PEAK1: variants seen among roughly 807,000 people sequenced by gnomAD.
The protein encoded by PEAK1 is pseudopodium enriched atypical kinase 1, also known as inactive tyrosine-protein kinase PEAK1.
PEAK1 carries 54 observed loss-of-function variants against 124.7 expected under a neutral mutation model. The observed-to-expected ratio is 0.43, with a 90% CI of 0.35 to 0.54. The LOEUF (loss-of-function observed/expected upper bound fraction) is 0.54, where lower values mean the gene tolerates loss of function less well. PEAK1 is among the 20% of genes least tolerant of loss of function. The pLI, the probability that PEAK1 is intolerant of heterozygous loss-of-function variation, is 0.01. For missense variants in PEAK1, 2,046 were observed against 2,134.5 expected (o/e 0.96, Z 0.82); for synonymous variants, 719 against 760.0 (o/e 0.95, Z 0.89).
intron 2 of PEAK1, among the ~76,000 whole-genome samples, chr15:77,302,311 T>C (rs2063828813): frequency 6.6e-6 from 1 of 152,174 alleles, no homozygotes; most frequent in Non-Finnish European, 1.5e-5. Context: ...TCTATAAACA[T>C]TTCCATATGC....
chr15:77,274,819 A>C (rs780056788), intron 5 of PEAK1, among the ~76,000 whole-genome samples: 2 of 152,150 alleles, frequency 1.3e-5, no homozygotes, highest in Admixed American at 6.5e-5. Context: ...CTGGATATCT[A>C]TTCAGAGGAA....
intron 1 of PEAK1, among the ~76,000 whole-genome samples, chr15:77,396,221 A>T (rs779646860): frequency 1.3e-5 from 2 of 152,084 alleles, no homozygotes; most frequent in Non-Finnish European, 2.9e-5. Flanking sequence ...TAGATATTAT[A>T]TGCAAGCCTC....
At chr15:77,155,989 C>G (rs1226724770) in intron 8 of PEAK1, 1 of 152,534 alleles carries the variant, frequency 6.6e-6, no homozygotes, top group Non-Finnish European at 1.5e-5. Context: ...TCTCAGATCT[C>G]CAGCTGCGTG....
intron 2 of PEAK1, among the ~76,000 whole-genome samples, chr15:77,358,349 T>C (rs1048455280): frequency 1.3e-5 from 2 of 152,208 alleles, no homozygotes; most frequent in Non-Finnish European, 2.9e-5. Context: ...TACTCTTTGA[T>C]AGTCTCTTCT....
Position 77,179,285 on chromosome 15 carries a change from T to G in PEAK1, c.2642A>C (p.His881Pro), listed in dbSNP as rs1259633264. 6.2e-7 allele frequency: 1 copy of G among 1,613,846 alleles called. No homozygotes were observed. Among genetic ancestry groups the G allele is most frequent in the African/African-American group, 1.3e-5 (1 of 74,846 alleles). ...PPPRSTSSPY[H>P]AGNLLQRHFT... The stretch of plus-strand genomic sequence containing the variant: ...ATGCCTCTGCAAAAGGTTACCTGCA[T>G]GGTAAGGAGAAGAAGTAGAGCGTGG... Residue 881 changes from histidine (H) to proline (P), a missense_variant, in exon 7 of 10, where the codon CAT becomes CCT. Physicochemically the swap from His to Pro is moderately conservative, Grantham distance 77. Transcript: ENST00000682557.
intron 1 of PEAK1, among the ~76,000 whole-genome samples, chr15:77,412,002 G>A (rs1327471106): frequency 6.6e-6 from 1 of 152,218 alleles, no homozygotes; most frequent in East Asian, 1.9e-4. Flanking sequence ...TATGGAGGGA[G>A]TGATGTTAAC....
At chr15:77,335,054 G>T (rs1273775901) in intron 2 of PEAK1, 2 of 985,288 alleles carry the variant, frequency 2.0e-6, no homozygotes, top group Admixed American at 1.2e-4. Flanking sequence ...TATGTGGACA[G>T]GTTTCTTCTA....
intron 8 of PEAK1, among the ~76,000 whole-genome samples, chr15:77,150,090 A>C (rs1236026590): frequency 1.3e-5 from 2 of 152,132 alleles, no homozygotes; most frequent in Non-Finnish European, 2.9e-5. Context: ...GGTAGAGAGA[A>C]AGCTATCTTT....
At chr15:77,372,681 G>A (rs142723955) in intron 1 of PEAK1, among the ~76,000 whole-genome samples, 374 of 152,256 alleles carry the variant, frequency 2.5e-3, no homozygotes, top group Middle Eastern at 6.8e-3. Flanking sequence ...GATATGGTTC[G>A]GATATGTGTC....
intron 1 of PEAK1, among the ~76,000 whole-genome samples, chr15:77,419,772 C>T (rs1453317802): frequency 6.7e-6 from 1 of 149,230 alleles, no homozygotes; most frequent in Non-Finnish European, 1.5e-5. Flanking sequence ...GGGCGCGCGG[C>T]ACCGGCGGGG....
chr15:77,205,829 TA>T lies in PEAK1; in HGVS notation c.-114-23790del, dbSNP rs1398396242. Among the ~76,000 whole-genome samples, 145 of 152,236 alleles carry T rather than the reference TA, an allele frequency of 9.5e-4. 1 individual carries two copies. Among genetic ancestry groups the T allele is most frequent in the Non-Finnish European group, 7.8e-4 (53 of 68,012 alleles). On this transcript the variant is annotated intron_variant, in intron 6 of 9. Coordinates refer to ENST00000682557, the MANE Select transcript of PEAK1 (RefSeq NM_001385026.1). Reference sequence around the variant, plus strand: ...AATAACTTTATTATTAATTATTTTTTATTTTTTTTATTATACTTTAAGTTTT... The same window carrying T: ...AATAACTTTATTATTAATTATTTTTTTTTTTTTTATTATACTTTAAGTTTT...
chr15:77,404,517 A>G (rs2071641127), intron 1 of PEAK1: 1 of 519,040 alleles, frequency 1.9e-6, no homozygotes, highest in Admixed American at 6.4e-5. Flanking sequence ...AATAAAATAT[A>G]TCATTAAAAT....
At chr15:77,171,604 G>C (rs1281137112) in intron 7 of PEAK1, among the ~76,000 whole-genome samples, 1 of 152,148 alleles carries the variant, frequency 6.6e-6, no homozygotes, top group Non-Finnish European at 1.5e-5. Flanking sequence ...ATAAGTTCTA[G>C]TGTTCTATGG....
intron 5 of PEAK1, among the ~76,000 whole-genome samples, chr15:77,282,773 T>C (rs553060242): frequency 1.3e-5 from 2 of 152,300 alleles, no homozygotes; most frequent in South Asian, 4.1e-4. Context: ...GACACAATCA[T>C]ATTATAATAG....
intron 8 of PEAK1, among the ~76,000 whole-genome samples, chr15:77,148,665 C>T (rs909782063): frequency 2.6e-5 from 4 of 152,034 alleles, no homozygotes; most frequent in Admixed American, 1.3e-4. Context: ...CCTTGTAATC[C>T]CAGTGCTTTG....
intron 2 of PEAK1, among the ~76,000 whole-genome samples, chr15:77,312,190 C>G (rs2064513288): frequency 6.6e-6 from 1 of 152,084 alleles, no homozygotes; most frequent in South Asian, 2.1e-4. Flanking sequence ...AATAGTGAAA[C>G]TTTTTGCTGA....
intron 2 of PEAK1, among the ~76,000 whole-genome samples, chr15:77,359,430 A>C (rs1597431025): frequency 6.7e-6 from 1 of 149,882 alleles, no homozygotes; most frequent in Non-Finnish European, 1.5e-5. Context: ...ACAGAGTAAG[A>C]CCTTGTCTCA....
intron 8 of PEAK1, chr15:77,156,630 G>A (rs2055182720): frequency 6.6e-6 from 1 of 152,134 alleles, no homozygotes; most frequent in African/African-American, 2.4e-5. Flanking sequence ...GTTCCTATTC[G>A]GCCATCTTGG....
rs2053283237 is a variant in PEAK1 at position 77,135,945 on chromosome 15, G to T, written c.3332-2195C>A. Among the ~76,000 whole-genome samples the T allele has an allele frequency of 2.6e-5, 4 of 152,348 alleles. No homozygotes were observed. The South Asian group carries it at 8.3e-4, about 32-fold the overall frequency. Reference sequence around the variant, plus strand: ...AGTAAATTGGTACCAGTAGAGTGGGGTGTTGCTGAAAAGATACCCGAAAAT... The same window carrying T: ...AGTAAATTGGTACCAGTAGAGTGGGTTGTTGCTGAAAAGATACCCGAAAAT... On this transcript the variant is annotated intron_variant, in intron 8 of 9. Transcript: ENST00000682557.
Sources: allele counts gnomAD v4.1 joint callset (sites outside exome capture counted in the v4.1 genomes callset), GRCh38; gene constraint gnomAD v4.1.1; transcripts MANE v1.5; gene names NCBI Gene and HGNC (gene_info 2026-07-23, HGNC 2026-07-21).